The following ATP8A1 variants were observed in gnomAD, a reference collection of about 807,000 sequenced individuals.
ATP8A1 encodes the protein phospholipid-transporting ATPase IA.
A neutral mutation model predicts 177.7 loss-of-function variants in ATP8A1; 90 were observed. The observed-to-expected ratio is 0.51, with a 90% CI of 0.43 to 0.60. The LOEUF is 0.60. ATP8A1 is among the 20% of genes least tolerant of loss of function. ATP8A1 has a pLI of 0.00. For missense variants in ATP8A1, 1,072 were observed against 1,392.8 expected (o/e 0.77, Z 3.67); for synonymous variants, 493 against 485.9 (o/e 1.01, Z -0.19).
intron 22 of ATP8A1, 103 bp downstream of exon 22, chr4:42,522,057 T>C: frequency 1.6e-6 from 2 of 1,283,274 alleles, no homozygotes; most frequent in Admixed American, 2.5e-5. Flanking sequence ...TAGTGAATGG[T>C]ATGTCAAGAT....
At position 42,656,955 on chromosome 4, in the gene ATP8A1, C is replaced by T; in HGVS notation, c.-82G>A. 7.5e-7 allele frequency: 1 copy of T among 1,341,422 alleles called. No homozygotes were observed. The highest frequency in any genetic ancestry group is 1.5e-5 in the African/African-American group (1 of 66,532). The allele number at this position is 1,341,422 out of a possible 1,614,324, so 83.1% of individuals were successfully genotyped here. A position where few individuals can be genotyped will look rare whatever the true frequency, so the allele number is the denominator to read the frequency against. On this transcript the variant is annotated 5_prime_UTR_variant, in exon 1 of 37. Coordinates refer to ENST00000381668, the MANE Select transcript of ATP8A1 (RefSeq NM_006095.2). ...GTACACGCGGGAGACCCGGCTGCGC[C>T]GCGCAGAGCGCTCAGCTGCAGCCTG...
At chr4:42,603,653 G>A (rs1032700627) in intron 5 of ATP8A1, among the ~76,000 whole-genome samples, 4 of 152,066 alleles carry the variant, frequency 2.6e-5, no homozygotes, top group African/African-American at 7.2e-5. Context: ...AAAACTTCCT[G>A]TTGATTTTAT....
At chr4:42,548,918 A>G in intron 19 of ATP8A1, 95 bp downstream of exon 19, 1 of 1,017,868 alleles carries the variant, frequency 9.8e-7, no homozygotes, top group Non-Finnish European at 1.4e-6. Flanking sequence ...TAGTTAAATA[A>G]AAACAAAACA....
chr4:42,489,922 C>T (rs1476720536), intron 24 of ATP8A1, among the ~76,000 whole-genome samples: 2 of 152,076 alleles, frequency 1.3e-5, no homozygotes, highest in East Asian at 3.8e-4. Flanking sequence ...GGATCAAAGA[C>T]CACAGGCTCA....
At chr4:42,619,013 C>A (rs28496928) in intron 4 of ATP8A1, among the ~76,000 whole-genome samples, 73 of 152,022 alleles carry the variant, frequency 4.8e-4, no homozygotes, top group African/African-American at 1.7e-3. Context: ...AAGGACTTCA[C>A]GTCCATCATT....
chr4:42,529,321 C>T (rs1457936587), intron 20 of ATP8A1, among the ~76,000 whole-genome samples: 1 of 152,092 alleles, frequency 6.6e-6, no homozygotes, highest in Non-Finnish European at 1.5e-5. Context: ...CAGGTAACTA[C>T]TCTCCTTTTG....
chr4:42,462,842 ACCTCTTGCAT>A (rs1189727128), intron 27 of ATP8A1, among the ~76,000 whole-genome samples: 7 of 152,266 alleles, frequency 4.6e-5, no homozygotes, highest in Admixed American at 1.3e-4. Flanking sequence ...ATGGGACCCT[ACCTCTTGCAT>A]GCTTGACCTG....
chr4:42,645,894 C>T (rs1015163858), intron 1 of ATP8A1, among the ~76,000 whole-genome samples: 1 of 151,736 alleles, frequency 6.6e-6, no homozygotes, highest in African/African-American at 2.4e-5. Context: ...AGACCCATCT[C>T]ATTTCTTTGG....
intron 20 of ATP8A1, among the ~76,000 whole-genome samples, chr4:42,528,257 G>A (rs751896340): frequency 6.6e-6 from 1 of 152,144 alleles, no homozygotes; most frequent in Non-Finnish European, 1.5e-5. Flanking sequence ...TGACTGGTAG[G>A]GTGAGGGCTA....
At chr4:42,447,663 G>C (rs1358264842) in intron 30 of ATP8A1, among the ~76,000 whole-genome samples, 1 of 152,154 alleles carries the variant, frequency 6.6e-6, no homozygotes, top group African/African-American at 2.4e-5. Flanking sequence ...CGTTTATTCA[G>C]AGTCAAATAT....
rs766729251 is a variant in ATP8A1 at position 42,465,021 on chromosome 4, CTT to C, written c.2378_2379del (p.Lys793SerfsTer8). 1 of 1,614,196 alleles carries C rather than the reference CTT, an allele frequency of 6.2e-7. No homozygotes were observed. The highest frequency in any genetic ancestry group is 1.7e-5 in the Admixed American group (1 of 60,026). On this transcript the variant is annotated frameshift_variant, in exon 26 of 37. Coordinates refer to ENST00000381668, the MANE Select transcript of ATP8A1 (RefSeq NM_006095.2). LOFTEE classifies it high-confidence loss of function. The part of the protein sequence containing the change: ...EVVEMVKKQV[K>X]VVTLAIGDGA... ...CCATCACCGATTGCAAGCGTTACGA[CTT>C]TGACTTGTTTCTTAACCATCTCAAC...
At chr4:42,592,846 C>T (rs1264220961) in intron 6 of ATP8A1, among the ~76,000 whole-genome samples, 1 of 151,966 alleles carries the variant, frequency 6.6e-6, no homozygotes, top group Non-Finnish European at 1.5e-5. Flanking sequence ...TTTTTCTGCT[C>T]CATTATAATC....
intron 22 of ATP8A1, among the ~76,000 whole-genome samples, chr4:42,512,474 A>C (rs183865780): frequency 4.7e-4 from 71 of 152,290 alleles, no homozygotes; most frequent in Non-Finnish European, 8.8e-5. Context: ...AATATACTCC[A>C]AGCAGGTGCT....
At chr4:42,470,949 C>T (rs10517027) in intron 25 of ATP8A1, among the ~76,000 whole-genome samples, 16,176 of 152,002 alleles carry the variant, frequency 0.11, 1,061 homozygotes, top group Middle Eastern at 0.19. Flanking sequence ...TGACTATTTA[C>T]AGAAATTACA....
chr4:42,638,074 C>T (rs908806956), intron 1 of ATP8A1, among the ~76,000 whole-genome samples: 3 of 152,116 alleles, frequency 2.0e-5, no homozygotes, highest in Non-Finnish European at 4.4e-5. Flanking sequence ...ATGAATGACC[C>T]TTCAGGAAAG....
intron 25 of ATP8A1, among the ~76,000 whole-genome samples, chr4:42,483,665 G>A (rs1429408236): frequency 6.6e-6 from 1 of 152,142 alleles, no homozygotes; most frequent in Non-Finnish European, 1.5e-5. Flanking sequence ...CCTTGACTCT[G>A]CTTTCTAGTT....
rs375743314 is a variant in ATP8A1 at position 42,530,855 on chromosome 4, G to GCA, written c.1723-6010_1723-6009dup. 9.6e-3 allele frequency among the ~76,000 whole-genome samples: 1,465 copies of GCA among 152,222 alleles called. 17 individuals carry two copies. Among genetic ancestry groups the GCA allele is most frequent in the African/African-American group, 0.033 (1,367 of 41,540 alleles). ...GAATCAAGGGGTGGAAGTGGAAGTG[G>GCA]CACCACTCACCATCACTCCTAGTGA... On this transcript the variant is annotated intron_variant, in intron 20 of 36. Transcript: ENST00000381668.
At position 42,627,036 on chromosome 4, in the gene ATP8A1, G is replaced by C; in HGVS notation, c.123C>G (p.Ile41Met). Residue 41 changes from isoleucine (I) to methionine (M), a missense_variant, in exon 2 of 37, where the codon ATC (isoleucine) becomes ATG (methionine). By Grantham distance (10) the Ile-to-Met change is conservative. Coordinates refer to ENST00000381668, the MANE Select transcript of ATP8A1 (RefSeq NM_006095.2). ...ADQEEVRTIF[I>M]NQPQLTKFCN... Reference sequence around the variant, plus strand: ...AGAATTTTGTCAGCTGGGGCTGGTTGATGAAAATAGTCCTTACTTCCTCCT... The same window carrying C: ...AGAATTTTGTCAGCTGGGGCTGGTTCATGAAAATAGTCCTTACTTCCTCCT... 1 of 1,614,084 alleles carries C rather than the reference G, an allele frequency of 6.2e-7. No homozygotes were observed. The highest frequency in any genetic ancestry group is 2.2e-5 in the East Asian group (1 of 44,866).
In ATP8A1 at chr4:42,524,815, C is replaced by A; in HGVS notation, c.1755G>T (p.Thr585=). Residue 585 remains threonine (T), a synonymous_variant, in exon 21 of 37, where the codon ACG becomes ACT. Coordinates refer to ENST00000381668, the MANE Select transcript of ATP8A1 (RefSeq NM_006095.2). ...DTVIYDRLAE[T]SKYKEITLKH... ...TTAGGGTAATTTCTTTGTATTTTGA[C>A]GTCTCTGCCAGTCGATCATAAATTA... The A allele has an allele frequency of 2.5e-6, 4 of 1,609,764 alleles. No individual in the cohort carries two copies. Among genetic ancestry groups the A allele is most frequent in the Non-Finnish European group, 3.4e-6 (4 of 1,178,190 alleles).
Sources: allele counts gnomAD v4.1 joint callset (sites outside exome capture counted in the v4.1 genomes callset), GRCh38; gene constraint gnomAD v4.1.1; transcripts MANE v1.5; gene names NCBI Gene and HGNC (gene_info 2026-07-23, HGNC 2026-07-21).